Variants in TBC1D5 observed in about 807,000 individuals in gnomAD.
TBC1D5 encodes TBC1 domain family member 5.
In TBC1D5, 75 loss-of-function variants were observed where a neutral mutation model predicts 100.3. That is an observed-to-expected ratio of 0.75 (90% CI 0.62 to 0.91). TBC1D5 has a LOEUF of 0.91. Ranked by LOEUF, TBC1D5 falls within the 40% of genes least tolerant of loss-of-function variation. The pLI, the probability that TBC1D5 is intolerant of heterozygous loss-of-function variation, is 0.00. For synonymous variants in TBC1D5, 323 were observed against 325.6 expected, an observed-to-expected ratio of 0.99 and a Z score of 0.09; for missense variants, 910 against 942.4, an observed-to-expected ratio of 0.97 and a Z score of 0.45.
intron 18 of TBC1D5, among the ~76,000 whole-genome samples, chr3:17,205,022 G>A (rs949605243): frequency 1.3e-5 from 2 of 152,094 alleles, no homozygotes; most frequent in South Asian, 2.1e-4. Flanking sequence ...ACAAAACATC[G>A]AATGACTAAA....
intron 13 of TBC1D5, among the ~76,000 whole-genome samples, chr3:17,366,549 C>T (rs1391816519): frequency 1.3e-5 from 2 of 152,100 alleles, no homozygotes; most frequent in East Asian, 1.9e-4. Context: ...ATCATTGGAT[C>T]GTCACTTTCT....
chr3:17,663,548 G>A (rs969147971), intron 1 of TBC1D5, among the ~76,000 whole-genome samples: 3 of 152,054 alleles, frequency 2.0e-5, no homozygotes, highest in Admixed American at 2.0e-4. Context: ...TAGCAGAGAT[G>A]TTTTCTTTTT....
intron 18 of TBC1D5, among the ~76,000 whole-genome samples, chr3:17,212,288 T>C (rs1404880049): frequency 1.3e-5 from 2 of 152,134 alleles, no homozygotes; most frequent in Non-Finnish European, 2.9e-5. Context: ...GCTAAAAAAT[T>C]CTATTGGCTA....
chr3:17,514,304 C>T (rs182512055), intron 2 of TBC1D5, among the ~76,000 whole-genome samples: 1 of 152,158 alleles, frequency 6.6e-6, no homozygotes, highest in East Asian at 1.9e-4. Context: ...ATTTACAGTG[C>T]CAAATAAATT....
chr3:17,331,456 C>T (rs1462532326), intron 13 of TBC1D5, among the ~76,000 whole-genome samples: 2 of 152,156 alleles, frequency 1.3e-5, no homozygotes, highest in Admixed American at 1.3e-4. Context: ...TATGTTCTTC[C>T]TCTTAATAGA....
chr3:17,331,801 A>T (rs982055995), intron 13 of TBC1D5, among the ~76,000 whole-genome samples: 1 of 152,246 alleles, frequency 6.6e-6, no homozygotes, highest in Non-Finnish European at 1.5e-5. Context: ...GTGGATAGAG[A>T]TGTTAAAGAA....
chr3:17,392,736 T>A (rs895330231), intron 8 of TBC1D5, among the ~76,000 whole-genome samples: 12 of 152,190 alleles, frequency 7.9e-5, no homozygotes, highest in Admixed American at 3.3e-4. Flanking sequence ...GGTGTATATG[T>A]GCCACATTTT....
chr3:17,491,336 T>G (rs1027636869), intron 3 of TBC1D5, among the ~76,000 whole-genome samples: 3 of 152,196 alleles, frequency 2.0e-5, no homozygotes, highest in African/African-American at 7.2e-5. Context: ...GGCCAGAACT[T>G]TCAATACTAT....
At chr3:17,435,339 C>A (rs190882499) in intron 3 of TBC1D5, among the ~76,000 whole-genome samples, 15 of 152,254 alleles carry the variant, frequency 9.9e-5, no homozygotes, top group Non-Finnish European at 2.1e-4. Flanking sequence ...TATCACATTG[C>A]TATAAAGGAC....
At chr3:17,486,529 G>C (rs2150429435) in intron 3 of TBC1D5, among the ~76,000 whole-genome samples, 1 of 152,258 alleles carries the variant, frequency 6.6e-6, no homozygotes, top group Non-Finnish European at 1.5e-5. Context: ...TACATGAGTA[G>C]TAGTGACACC....
At chr3:17,643,473 C>A (rs1364156641) in intron 1 of TBC1D5, among the ~76,000 whole-genome samples, 2 of 152,066 alleles carry the variant, frequency 1.3e-5, no homozygotes, top group African/African-American at 4.8e-5. Flanking sequence ...TTCACCCTTA[C>A]TTTTGCTATC....
intron 2 of TBC1D5, among the ~76,000 whole-genome samples, chr3:17,572,272 T>C (rs1300656193): frequency 1.3e-5 from 2 of 150,568 alleles, no homozygotes; most frequent in Non-Finnish European, 3.0e-5. Flanking sequence ...TCATGTCAAA[T>C]CCACACTTTT....
intron 17 of TBC1D5, among the ~76,000 whole-genome samples, chr3:17,219,311 A>G (rs2074013427): frequency 6.6e-6 from 1 of 151,706 alleles, no homozygotes; most frequent in African/African-American, 2.4e-5. Context: ...ATGAGACACT[A>G]TTCTCTTTCA....
At chr3:17,404,760 G>A (rs925203068) in exon 7 of TBC1D5, 8 of 1,606,466 alleles carry the variant, frequency 5.0e-6, no homozygotes. Context: ...TCCTCGGGTT[G>A]GTAATATGCT....
chr3:17,663,963 A>G (rs1428621975), intron 1 of TBC1D5, among the ~76,000 whole-genome samples: 2 of 152,248 alleles, frequency 1.3e-5, no homozygotes, highest in Non-Finnish European at 2.9e-5. Flanking sequence ...AAAAACTTAT[A>G]AAACACAAGT....
intron 4 of TBC1D5, among the ~76,000 whole-genome samples, chr3:17,410,631 T>C (rs896846923): frequency 6.6e-6 from 1 of 152,104 alleles, no homozygotes; most frequent in South Asian, 2.1e-4. Context: ...GAACAAGAGT[T>C]TTTAAAAGGT....
intron 2 of TBC1D5, among the ~76,000 whole-genome samples, chr3:17,515,642 A>G (rs1017273103): frequency 1.3e-5 from 2 of 152,180 alleles, no homozygotes; most frequent in Admixed American, 1.3e-4. Context: ...ATTATAGGGT[A>G]GTTTCCTTTG....
At chr3:17,227,681 A>C (rs1046821169) in intron 17 of TBC1D5, among the ~76,000 whole-genome samples, 2 of 151,966 alleles carry the variant, frequency 1.3e-5, no homozygotes, top group Admixed American at 1.3e-4. Context: ...AGAACAACAG[A>C]CACTGGGGCT....
chr3:17,699,690 C>T (rs2153869214), intron 1 of TBC1D5, among the ~76,000 whole-genome samples: 1 of 147,288 alleles, frequency 6.8e-6, no homozygotes, highest in East Asian at 2.0e-4. Flanking sequence ...ATCCTCCAGT[C>T]TCTTGGATTT....
Sources: gnomAD v4.1 joint callset for allele counts (sites outside exome capture counted in the v4.1 genomes callset) on GRCh38, gnomAD v4.1.1 for gene constraint, MANE v1.5 for transcripts, NCBI Gene and HGNC (gene_info 2026-07-23, HGNC 2026-07-21) for gene names.